UBXN2A: variants seen among roughly 807,000 people sequenced by gnomAD.
UBXN2A encodes the protein UBX domain protein 2A.
Under a neutral mutation model 28.4 loss-of-function variants are expected in UBXN2A, and 28 were observed. That is an observed-to-expected ratio of 0.99 (90% CI 0.73 to 1.35). The LOEUF (loss-of-function observed/expected upper bound fraction) is 1.35, where lower values mean the gene tolerates loss of function less well. UBXN2A is among the 40% of genes most tolerant of loss of function. The pLI is 0.00. For synonymous variants in UBXN2A, 97 were observed against 103.6 expected (o/e 0.94, Z 0.39); for missense variants, 253 against 297.9 (o/e 0.85, Z 1.11).
At chr2:23,938,715 A>G (rs1483367131), upstream of UBXN2A, among the ~76,000 whole-genome samples, 1 of 152,040 alleles carries the variant, frequency 6.6e-6, no homozygotes, top group Non-Finnish European at 1.5e-5. Context: ...CTATACAGCT[A>G]CAGTAATCAA....
intron 6 of UBXN2A, among the ~76,000 whole-genome samples, chr2:23,994,265 A>T (rs1708453283): frequency 6.6e-6 from 1 of 152,132 alleles, no homozygotes; most frequent in Non-Finnish European, 1.5e-5. Flanking sequence ...CTTGAATATG[A>T]TGTGCCTAGG....
chr2:23,967,026 G>A (rs1263020760), intron 2 of UBXN2A, among the ~76,000 whole-genome samples: 1 of 151,818 alleles, frequency 6.6e-6, no homozygotes, highest in African/African-American at 2.4e-5. Flanking sequence ...CCAAAATGCT[G>A]GGATTACAGG....
At chr2:23,937,582 AAATC>A (rs758071468), upstream of UBXN2A, among the ~76,000 whole-genome samples, 1 of 152,216 alleles carries the variant, frequency 6.6e-6, no homozygotes, top group South Asian at 2.1e-4. Flanking sequence ...TCAACACACA[AAATC>A]AGTGGTATTT....
In UBXN2A at chr2:23,943,529, C is replaced by G. The variant is rs555381573; in HGVS notation, c.-15+2881C>G. ...TGAGATAGAGTTTTGTTCTTGCCAC[C>G]CAGGTTGGAGTGCAATGACCCAATC... On this transcript the variant is annotated intron_variant, in intron 1 of 6. Coordinates refer to ENST00000309033, the MANE Select transcript of UBXN2A (RefSeq NM_181713.4). Among the ~76,000 whole-genome samples the G allele has an allele frequency of 2.6e-5, 4 of 151,954 alleles. No homozygotes were observed. The East Asian group carries it at 7.7e-4, about 29-fold the overall frequency.
intron 2 of UBXN2A, among the ~76,000 whole-genome samples, chr2:23,962,136 G>A (rs894410422): frequency 1.3e-5 from 2 of 152,030 alleles, no homozygotes; most frequent in Non-Finnish European, 2.9e-5. Context: ...ATGAGCCACC[G>A]CGCCCAGCCA....
At chr2:23,956,632 C>T (rs977349557) in intron 1 of UBXN2A, among the ~76,000 whole-genome samples, 11 of 152,222 alleles carry the variant, frequency 7.2e-5, no homozygotes, top group South Asian at 2.1e-4. Context: ...GGATTACAGA[C>T]GTGAGCCACC....
chr2:24,000,253 A>C lies in UBXN2A; in HGVS notation c.*386A>C, dbSNP rs1239926394. ...ATGTTAGCTGTCTGAGTTTTTAAAT[A>C]GCTAATACGACCGGGTACAGTGGTT... On this transcript the variant is annotated 3_prime_UTR_variant, in exon 7 of 7. Coordinates refer to ENST00000309033, the MANE Select transcript of UBXN2A (RefSeq NM_181713.4). 1 of 165,988 alleles carries C rather than the reference A, an allele frequency of 6.0e-6. No individual in the cohort carries two copies. The highest frequency in any genetic ancestry group is 1.3e-5 in the Non-Finnish European group (1 of 77,168). 10.3% of individuals were successfully genotyped at this position (165,988 alleles called of 1,614,324 possible).
At position 23,965,665 on chromosome 2, in the gene UBXN2A, T is replaced by A. The variant is rs148199484; in HGVS notation, c.42-5611T>A. Among the ~76,000 whole-genome samples the A allele has an allele frequency of 3.5e-3, 526 of 152,338 alleles. 4 individuals are homozygous for A. The highest frequency in any genetic ancestry group is 0.012 in the African/African-American group (511 of 41,578). On this transcript the variant is annotated intron_variant, in intron 2 of 6. Coordinates refer to ENST00000309033, the MANE Select transcript of UBXN2A (RefSeq NM_181713.4). ...TTGCATATATGTTCATGATAAATTTTCTGTAGCTTTCCTTTCTTGTAATGT... is the reference window on the plus strand; with the variant it reads ...TTGCATATATGTTCATGATAAATTTACTGTAGCTTTCCTTTCTTGTAATGT...
chr2:23,966,483 C>T (rs1401281739), intron 2 of UBXN2A, among the ~76,000 whole-genome samples: 2 of 140,660 alleles, frequency 1.4e-5, no homozygotes, highest in Admixed American at 7.4e-5. Context: ...GACAGAGTCT[C>T]GCTCTGTTGC....
intron 4 of UBXN2A, among the ~76,000 whole-genome samples, chr2:23,978,120 G>T (rs556513353): frequency 6.6e-6 from 1 of 151,968 alleles, no homozygotes; most frequent in Non-Finnish European, 1.5e-5. Context: ...GAGCCACCAC[G>T]CCTGGCCAAC....
In UBXN2A at chr2:23,984,761, C is replaced by G; in HGVS notation, c.514C>G (p.Pro172Ala). 1.3e-6 allele frequency: 2 copies of G among 1,573,054 alleles called. No individual in the cohort carries two copies. Among genetic ancestry groups the G allele is most frequent in the Non-Finnish European group, 1.7e-6 (2 of 1,168,144 alleles). The change falls in exon 6 of 7, where the codon CCC (proline) becomes GCC (alanine). Residue 172 changes from proline (P) to alanine (A), a missense_variant. Pro to Ala is a conservative substitution (Grantham distance 27). Coordinates refer to ENST00000309033, the MANE Select transcript of UBXN2A (RefSeq NM_181713.4). Reference protein sequence around the residue: ...LSAVPLNNLEPITNIQIWLAN... With the variant: ...LSAVPLNNLEAITNIQIWLAN... The stretch of plus-strand genomic sequence containing the variant: ...TGCTGTTCCACTGAACAACTTGGAA[C>G]CCATTACTAATATACAGATCTGGTT...
chr2:23,935,367 G>A (rs188921874), intron 1 of UBXN2A, among the ~76,000 whole-genome samples: 29 of 151,732 alleles, frequency 1.9e-4, no homozygotes, highest in Admixed American at 3.3e-4. Context: ...TTTTTAAAAC[G>A]CAAAAACTCC....
chr2:23,995,756 A>C (rs1028642892), intron 6 of UBXN2A, among the ~76,000 whole-genome samples: 5 of 152,078 alleles, frequency 3.3e-5, no homozygotes, highest in African/African-American at 9.7e-5. Context: ...ACCCATTGTA[A>C]AGTTGAAAAA....
chr2:23,934,125 A>G (rs929320132), intron 1 of UBXN2A, among the ~76,000 whole-genome samples: 3 of 151,826 alleles, frequency 2.0e-5, no homozygotes, highest in Admixed American at 6.6e-5. Flanking sequence ...CTGAGGCAGG[A>G]TAATCGCTTG....
intron 6 of UBXN2A, chr2:23,997,122 A>G (rs1708572400): frequency 6.6e-6 from 1 of 152,174 alleles, no homozygotes. Flanking sequence ...GGGTCTTGCT[A>G]TATTGCCTAG....
At chr2:23,957,811 GC>G (rs1706704140) in intron 1 of UBXN2A, among the ~76,000 whole-genome samples, 1 of 152,150 alleles carries the variant, frequency 6.6e-6, no homozygotes, top group African/African-American at 2.4e-5. Context: ...TCCAGCCTGG[GC>G]AACAAGAGCG....
rs1573584446 is a variant in UBXN2A at position 23,977,091 on chromosome 2, T to G, written c.287+16T>G. On this transcript the variant is annotated intron_variant, in intron 4 of 6. Coordinates refer to ENST00000309033, the MANE Select transcript of UBXN2A (RefSeq NM_181713.4). ...TCAAAAAGGGGTGAGTAGCCAGGTG[T>G]GGTAGGTCAAGCCTGTAAACCCAAA... The G allele has an allele frequency of 6.2e-7, 1 of 1,604,760 alleles. No homozygotes were observed. Among genetic ancestry groups the G allele is most frequent in the South Asian group, 1.1e-5 (1 of 90,728 alleles).
At chr2:23,961,241 G>A (rs896594101) in intron 2 of UBXN2A, among the ~76,000 whole-genome samples, 10 of 151,660 alleles carry the variant, frequency 6.6e-5, no homozygotes, top group Non-Finnish European at 1.2e-4. Flanking sequence ...GACTACAGGT[G>A]TGTGCCACCA....
intron 6 of UBXN2A, among the ~76,000 whole-genome samples, chr2:23,991,205 T>C (rs1708339116): frequency 6.6e-6 from 1 of 152,182 alleles, no homozygotes; most frequent in South Asian, 2.1e-4. Flanking sequence ...CTATTTCTTA[T>C]TTACTTCTGT....
Sources: allele counts gnomAD v4.1 joint callset (sites outside exome capture counted in the v4.1 genomes callset), GRCh38; gene constraint gnomAD v4.1.1; transcripts MANE v1.5; gene names NCBI Gene and HGNC (gene_info 2026-07-23, HGNC 2026-07-21).